Variants in AFAP1 observed in about 807,000 individuals in gnomAD.
The protein encoded by AFAP1 is actin filament associated protein 1, also known as actin filament-associated protein 1.
AFAP1 carries 75 observed loss-of-function variants against 93.9 expected under a neutral mutation model. That is an observed-to-expected ratio of 0.80 (90% CI 0.66 to 0.97). AFAP1 has a LOEUF of 0.97. Ranked by LOEUF, AFAP1 falls within the 50% of genes least tolerant of loss-of-function variation. The pLI, the probability that AFAP1 is intolerant of heterozygous loss-of-function variation, is 0.00. For synonymous variants in AFAP1, 517 were observed against 430.7 expected (o/e 1.20, Z -2.48); for missense variants, 1,201 against 1,050.8 (o/e 1.14, Z -1.98).
intron 12 of AFAP1, among the ~76,000 whole-genome samples, chr4:7,784,187 T>C (rs563673322): frequency 2.2e-4 from 34 of 152,150 alleles, no homozygotes; most frequent in African/African-American, 7.9e-4. Flanking sequence ...CCAGGGAGGA[T>C]TGGCTGAGGG....
intron 3 of AFAP1, among the ~76,000 whole-genome samples, chr4:7,864,116 C>CA (rs1391079605): frequency 2.6e-5 from 4 of 152,284 alleles, no homozygotes; most frequent in Admixed American, 6.5e-5. Flanking sequence ...CCCATCACAA[C>CA]CCATTCCCAA....
intron 6 of AFAP1, among the ~76,000 whole-genome samples, chr4:7,829,751 C>G (rs1218960433): frequency 6.6e-6 from 1 of 152,194 alleles, no homozygotes; most frequent in Non-Finnish European, 1.5e-5. Flanking sequence ...AAAAGGCACT[C>G]TGATATATTG....
intron 7 of AFAP1, among the ~76,000 whole-genome samples, chr4:7,818,797 C>A (rs1720704548): frequency 6.6e-6 from 1 of 152,262 alleles, no homozygotes; most frequent in South Asian, 2.1e-4. Context: ...GACTTCAGCT[C>A]TGCCATTTAA....
chr4:7,925,792 T>C (rs1336074797), intron 1 of AFAP1, among the ~76,000 whole-genome samples: 3 of 150,994 alleles, frequency 2.0e-5, no homozygotes, highest in African/African-American at 4.9e-5. Context: ...TTATGGTGAG[T>C]GGAGATCGTG....
intron 17 of AFAP1, among the ~76,000 whole-genome samples, chr4:7,764,835 C>T (rs973636248): frequency 6.6e-6 from 1 of 152,198 alleles, no homozygotes; most frequent in Non-Finnish European, 1.5e-5. Flanking sequence ...AGGTGCAGGG[C>T]TCATGCCTGG....
intron 1 of AFAP1, among the ~76,000 whole-genome samples, chr4:7,894,737 A>G (rs1309483695): frequency 6.6e-6 from 1 of 152,144 alleles, no homozygotes; most frequent in Non-Finnish European, 1.5e-5. Context: ...GTAGGTCTGA[A>G]ATGAGGCTCT....
At chr4:7,811,439 T>TCA (rs961378019) in intron 8 of AFAP1, among the ~76,000 whole-genome samples, 20 of 151,826 alleles carry the variant, frequency 1.3e-4, no homozygotes, top group African/African-American at 4.6e-4. Context: ...ACGCACACAC[T>TCA]CACACGCAGT....
intron 1 of AFAP1, among the ~76,000 whole-genome samples, chr4:7,924,762 G>GCCAGCCAGGAGT: frequency 6.6e-6 from 1 of 152,238 alleles, no homozygotes; most frequent in South Asian, 2.1e-4. Flanking sequence ...CAGCCAGGAG[G>GCCAGCCAGGAGT]CCAGCCAGGC....
chr4:7,938,162 G>C (rs1721499543), intron 1 of AFAP1, among the ~76,000 whole-genome samples: 1 of 151,762 alleles, frequency 6.6e-6, no homozygotes, highest in African/African-American at 2.4e-5. Flanking sequence ...CTGGAGGTGC[G>C]GCGTAGAGTG....
chr4:7,938,211 C>A (rs1253510820), intron 1 of AFAP1, among the ~76,000 whole-genome samples: 1 of 151,692 alleles, frequency 6.6e-6, no homozygotes, highest in Non-Finnish European at 1.5e-5. Flanking sequence ...AGCAAAAGGG[C>A]CCGCATGACA....
chr4:7,895,200 C>T (rs1718696271), intron 1 of AFAP1, among the ~76,000 whole-genome samples: 2 of 152,200 alleles, frequency 1.3e-5, no homozygotes, highest in African/African-American at 2.4e-5. Context: ...AACTCTGCTC[C>T]AGCACTTGCC....
At chr4:7,907,721 A>G (rs768872181) in intron 1 of AFAP1, among the ~76,000 whole-genome samples, 3 of 152,180 alleles carry the variant, frequency 2.0e-5, no homozygotes, top group Non-Finnish European at 2.9e-5. Context: ...CAAGTATAAT[A>G]CATATTCAAA....
In AFAP1 at chr4:7,781,462, A is replaced by G. The variant is rs1716763280; in HGVS notation, c.1696T>C (p.Ser566Pro). 1.3e-6 allele frequency: 2 copies of G among 1,552,028 alleles called. No individual in the cohort carries two copies. Among genetic ancestry groups the G allele is most frequent in the African/African-American group, 2.7e-5 (2 of 73,046 alleles). The change falls in exon 13 of 18, where the codon TCT becomes CCT. Residue 566 changes from serine (S) to proline (P), a missense_variant. Ser to Pro is a moderately conservative substitution (Grantham distance 74). Coordinates refer to ENST00000420658, the MANE Select transcript of AFAP1 (RefSeq NM_001134647.2). ...GAGGCAGGGTATTTGTAATGGTTAG[A>G]GGACAGCTTGTCAGCAGACAGCCTA... is the stretch of plus-strand genomic sequence containing the variant. ...ASRLSADKLS[S>P]NHYKYPASAQ...
chr4:7,873,628 G>A (rs575641793), intron 1 of AFAP1, among the ~76,000 whole-genome samples: 1 of 151,904 alleles, frequency 6.6e-6, no homozygotes. Flanking sequence ...GATTACAGAC[G>A]TGAGCCACCA....
intron 9 of AFAP1, among the ~76,000 whole-genome samples, chr4:7,804,501 T>C (rs1322134376): frequency 2.9e-5 from 3 of 103,406 alleles, no homozygotes; most frequent in Non-Finnish European, 6.1e-5. Context: ...GAAAACTAAC[T>C]TTACAGCTCG....
At chr4:7,789,207 G>C (rs952866540) in intron 11 of AFAP1, among the ~76,000 whole-genome samples, 5 of 152,152 alleles carry the variant, frequency 3.3e-5, no homozygotes, top group Non-Finnish European at 7.3e-5. Flanking sequence ...CTTGTGCTTG[G>C]TGTCTTTCCA....
At position 7,763,153 on chromosome 4, in the gene AFAP1, CCA is replaced by C. The variant is rs955656542; in HGVS notation, c.*610_*611del. The C allele has an allele frequency of 5.2e-5, 8 of 152,546 alleles. No individual in the cohort carries two copies. Among genetic ancestry groups the C allele is most frequent in the African/African-American group, 1.9e-4 (8 of 41,414 alleles). 9.4% of individuals were successfully genotyped at this position (152,546 alleles called of 1,614,324 possible). A position where few individuals can be genotyped will look rare whatever the true frequency, so the allele number is the denominator to read the frequency against. On this transcript the variant is annotated 3_prime_UTR_variant, in exon 18 of 18. Coordinates refer to ENST00000420658, the MANE Select transcript of AFAP1 (RefSeq NM_001134647.2). ...ATGTCTTGGTGACAAAAGCATCTGTCCAAAAAATAATAATAAAAGGTAAAAAA... is the reference window on the plus strand; with the variant it reads ...ATGTCTTGGTGACAAAAGCATCTGTCAAAAATAATAATAAAAGGTAAAAAA...
Position 7,806,592 on chromosome 4 carries a change from A to G in AFAP1, c.1054+3022T>C, listed in dbSNP as rs137988851. ...ACTCAACTTGGCAGGCTCAGTCTCA[A>G]GGGCCTTTGTCCAGCTCCTTTTTTC... On this transcript the variant is annotated intron_variant, in intron 9 of 17. Coordinates refer to ENST00000420658, the MANE Select transcript of AFAP1 (RefSeq NM_001134647.2). Among the ~76,000 whole-genome samples the G allele has an allele frequency of 3.5e-4, 54 of 152,314 alleles. 1 individual carries two copies. The highest frequency in any genetic ancestry group is 2.6e-4 in the Non-Finnish European group (18 of 68,024).
intron 16 of AFAP1, chr4:7,772,550 G>A: frequency 4.5e-6 from 2 of 449,432 alleles, no homozygotes; most frequent in Non-Finnish European, 4.0e-6. Context: ...GACTGGATCT[G>A]TTCTAAACAG....
Sources: gnomAD v4.1 joint callset for allele counts (sites outside exome capture counted in the v4.1 genomes callset) on GRCh38, gnomAD v4.1.1 for gene constraint, MANE v1.5 for transcripts, NCBI Gene and HGNC (gene_info 2026-07-23, HGNC 2026-07-21) for gene names.